Variants in TROAP observed in about 807,000 individuals in gnomAD.
TROAP encodes trophinin associated protein, also known as tastin.
TROAP carries 62 observed loss-of-function variants against 83.4 expected under a neutral mutation model. That is an observed-to-expected ratio of 0.74 (90% CI 0.61 to 0.92). TROAP has a LOEUF of 0.92. Ranked by LOEUF, TROAP falls within the 40% of genes least tolerant of loss-of-function variation. TROAP has a pLI of 0.00. For synonymous variants in TROAP, 352 were observed against 386.4 expected, an observed-to-expected ratio of 0.91 and a Z score of 1.04; for missense variants, 876 against 985.1, an observed-to-expected ratio of 0.89 and a Z score of 1.48.
At position 49,329,215 on chromosome 12, in the gene TROAP, C is replaced by T. The variant is rs777647103; in HGVS notation, c.1075C>T (p.Pro359Ser). The T allele has an allele frequency of 6.2e-7, 1 of 1,614,096 alleles. No individual in the cohort carries two copies. The highest frequency in any genetic ancestry group is 1.7e-5 in the Admixed American group (1 of 60,012). ...LTVQPKTRFTPMPSTPRVQQA... is the reference protein window; with the variant it reads ...LTVQPKTRFTSMPSTPRVQQA... ...CGTTCAACCTAAAACCCGGTTCACA[C>T]CCATGCCATCAACCCCCAGAGTTCA... is the stretch of plus-strand genomic sequence containing the variant. The change falls in exon 10 of 15, where the codon CCC (proline) becomes TCC (serine). Residue 359 changes from proline (P) to serine (S), a missense_variant. Coordinates refer to ENST00000257909, the MANE Select transcript of TROAP (RefSeq NM_005480.4). This position sits in a 1 kb window ranked among gnomAD's most constrained non-coding sequence, Gnocchi z 4.5.
At position 49,330,585 on chromosome 12, in the gene TROAP, C is replaced by T. The variant is rs1943564996; in HGVS notation, c.1740C>T (p.Pro580=). The change falls in exon 13 of 15, where the codon CCC becomes CCT. Residue 580 remains proline, a synonymous_variant. Coordinates refer to ENST00000257909, the MANE Select transcript of TROAP (RefSeq NM_005480.4). ...AGGAACAGCTTGAGGTACCTGAGCC[C>T]TGCCCTCCAGCAGAACCCAGGCCCC... ...SRQEQLEVPE[P]CPPAEPRPLE... is the part of the protein sequence containing the mutation. 1 of 1,613,588 alleles carries T rather than the reference C, an allele frequency of 6.2e-7. No homozygotes were observed. Among genetic ancestry groups the T allele is most frequent in the African/African-American group, 1.3e-5 (1 of 74,846 alleles).
Position 49,329,501 on chromosome 12 carries a change from G to A in TROAP, c.1164+47G>A, listed in dbSNP as rs775077305. The A allele has an allele frequency of 2.9e-5, 46 of 1,561,438 alleles. No individual in the cohort carries two copies. Among genetic ancestry groups the A allele is most frequent in the African/African-American group, 4.1e-5 (3 of 73,274 alleles). The stretch of plus-strand genomic sequence containing the variant: ...CTACTGAGATCCCTTGCCCTGTGCT[G>A]CCAGCCTGGAGGCCCAGGAGTTTGA... On this transcript the variant is annotated intron_variant, in intron 11 of 14. Transcript: ENST00000257909. This position sits in a 1 kb window ranked among gnomAD's most constrained non-coding sequence, Gnocchi z 4.5.
intron 13 of TROAP, 122 bp downstream of exon 13, chr12:49,331,065 C>G (rs1943574094): frequency 1.3e-6 from 2 of 1,536,038 alleles, no homozygotes. Context: ...CCTGGCCCAG[C>G]CTGGCTCTCC....
intron 12 of TROAP, 24 bp from the exon 13 acceptor site, chr12:49,330,121 C>G (rs761947342): frequency 6.2e-7 from 1 of 1,610,126 alleles, no homozygotes; most frequent in Admixed American, 1.7e-5. Flanking sequence ...TGATGTCACA[C>G]TGGGGTGCTC....
intron 3 of TROAP, 99 bp from the exon 4 acceptor site, chr12:49,325,402 A>G (rs944085089): frequency 2.4e-6 from 3 of 1,236,904 alleles, no homozygotes; most frequent in Non-Finnish European, 3.3e-6. Flanking sequence ...ATTCAATTGA[A>G]TGAGTCTCTT....
chr12:49,323,768 T>G lies in TROAP; in HGVS notation c.144+16T>G, dbSNP rs1473030050. ...AGATCCAAGGGTAAGAGGGGCCTAATGGGGGAAGACAGTAGTCACACCAGT... is the reference window on the plus strand; with the variant it reads ...AGATCCAAGGGTAAGAGGGGCCTAAGGGGGGAAGACAGTAGTCACACCAGT... On this transcript the variant is annotated intron_variant, in intron 2 of 14. Transcript: ENST00000257909. 5 of 1,614,076 alleles carry G rather than the reference T, an allele frequency of 3.1e-6. No homozygotes were observed. Among genetic ancestry groups the G allele is most frequent in the Non-Finnish European group, 4.2e-6 (5 of 1,180,008 alleles).
At chr12:49,330,096 A>T in intron 12 of TROAP, 49 bp from the exon 13 acceptor site, 1 of 1,606,606 alleles carries the variant, frequency 6.2e-7, no homozygotes, top group Non-Finnish European at 8.5e-7. Context: ...TGGGTAGACT[A>T]CTGAACGCAC....
rs552614672 is a variant in TROAP, at chr12:49,325,985, A to T, written c.634-91A>T. Reference sequence around the variant, plus strand: ...GAGGTACCTCATGATGAGGCAAGGGATCCTACTGGGGGAGATGGGGTTGGT... The same window carrying T: ...GAGGTACCTCATGATGAGGCAAGGGTTCCTACTGGGGGAGATGGGGTTGGT... On this transcript the variant is annotated intron_variant, in intron 5 of 14. Coordinates refer to ENST00000257909, the MANE Select transcript of TROAP (RefSeq NM_005480.4). 7.3e-4 allele frequency: 1,170 copies of T among 1,605,522 alleles called. 10 individuals carry two copies. Among genetic ancestry groups the T allele is most frequent in the Middle Eastern group, 1.9e-3 (9 of 4,642 alleles).
At chr12:49,327,838 G>A (rs550262150) in intron 8 of TROAP, among the ~76,000 whole-genome samples, 53 of 152,280 alleles carry the variant, frequency 3.5e-4, no homozygotes, top group Middle Eastern at 3.4e-3. Context: ...GGGAGCAGGG[G>A]AGTTGGTATT....
chr12:49,325,403 T>G, intron 3 of TROAP, 98 bp from the exon 4 acceptor site: 103 of 1,212,456 alleles, frequency 8.5e-5, no homozygotes, highest in Middle Eastern at 2.0e-4. Context: ...TTCAATTGAA[T>G]GAGTCTCTTG....
At chr12:49,331,440 G>A in intron 14 of TROAP, 33 bp downstream of exon 14, 1 of 1,607,924 alleles carries the variant, frequency 6.2e-7, no homozygotes, top group South Asian at 1.1e-5. Context: ...AGCTGTGGCT[G>A]CACAGTGAGC....
rs2303614 is a variant in TROAP at position 49,329,102 on chromosome 12, C to A, written c.1020+47C>A. 1.9e-6 allele frequency: 3 copies of A among 1,613,782 alleles called. No homozygotes were observed. The African/African-American group carries it at 4.0e-5, about 22-fold the overall frequency. On this transcript the variant is annotated intron_variant, in intron 9 of 14. Coordinates refer to ENST00000257909, the MANE Select transcript of TROAP (RefSeq NM_005480.4). This position sits in a 1 kb window ranked among gnomAD's most constrained non-coding sequence, Gnocchi z 4.5. ...CTGGGCAGGGGCAGAACAGTCTGGC[C>A]GGAGATCCTTGCTATGTCTGGGTTT...
chr12:49,330,876 A>G lies in TROAP; in HGVS notation c.2031A>G (p.Gln677=), dbSNP rs775022224. 5 of 1,612,948 alleles carry G rather than the reference A, an allele frequency of 3.1e-6. No individual in the cohort carries two copies. The highest frequency in any genetic ancestry group is 4.2e-6 in the Non-Finnish European group (5 of 1,179,948). Residue 677 remains glutamine, a synonymous_variant, in exon 13 of 15, where the codon CAA becomes CAG. Transcript: ENST00000257909. ...PATTSLIFSS[Q]HPLCASPPIC... is the part of the protein sequence containing the mutation. ...CCACCAGCCTGATCTTCTCTTCCCA[A>G]CACCCGCTTTGTGCCAGCCCCCCTA...
In TROAP at chr12:49,323,923, C is replaced by CA; in HGVS notation, c.224dup (p.Ala76GlyfsTer23). 1 of 1,614,126 alleles carries CA rather than the reference C, an allele frequency of 6.2e-7. No homozygotes were observed. The highest frequency in any genetic ancestry group is 8.5e-7 in the Non-Finnish European group (1 of 1,180,042). The stretch of plus-strand genomic sequence containing the variant: ...AGGCCCCAGGCCGAAAGCCAGGCAC[C>CA]AGGCAGAGACATCACAAAGATTGGT... On this transcript the variant is annotated frameshift_variant, in exon 3 of 15. Transcript: ENST00000257909. LOFTEE classifies it high-confidence loss of function.
At chr12:49,325,454 C>T in intron 3 of TROAP, 47 bp from the exon 4 acceptor site, 3 of 1,581,396 alleles carry the variant, frequency 1.9e-6, no homozygotes, top group Non-Finnish European at 2.6e-6. Context: ...GGGGCCCTAT[C>T]CCCCTCAGCC....
intron 3 of TROAP, 128 bp downstream of exon 3, chr12:49,324,165 A>G: frequency 1.9e-6 from 3 of 1,614,138 alleles, no homozygotes; most frequent in Non-Finnish European, 2.5e-6. Flanking sequence ...TCCTGGTCCC[A>G]GCTCCTGGAA....
intron 5 of TROAP, 38 bp from the exon 6 acceptor site, chr12:49,326,038 C>T: frequency 6.2e-7 from 1 of 1,611,024 alleles, no homozygotes; most frequent in Non-Finnish European, 8.5e-7. Flanking sequence ...TGGGGTCCAC[C>T]TCTGATTCCG....
At position 49,330,240 on chromosome 12, in the gene TROAP, G is replaced by A; in HGVS notation, c.1395G>A (p.Met465Ile). ...VPLNGGSSLDMVELQPLLTEI... is the reference protein window; with the variant it reads ...VPLNGGSSLDIVELQPLLTEI... Reference sequence around the variant, plus strand: ...TTAATGGAGGCTCTTCTCTGGATATGGTTGAACTTCAGCCCCTGCTGACTG... The same window carrying A: ...TTAATGGAGGCTCTTCTCTGGATATAGTTGAACTTCAGCCCCTGCTGACTG... The change falls in exon 13 of 15, where the codon ATG (methionine) becomes ATA (isoleucine). Residue 465 changes from methionine (M) to isoleucine (I), a missense_variant. This residue lies in a region of TROAP where 689 missense variants were observed against 722.6 expected (regional missense o/e 0.95). Transcript: ENST00000257909. 6.2e-7 allele frequency: 1 copy of A among 1,614,144 alleles called. No homozygotes were observed. The highest frequency in any genetic ancestry group is 1.3e-5 in the African/African-American group (1 of 75,028).
intron 3 of TROAP, among the ~76,000 whole-genome samples, chr12:49,324,968 T>C (rs1943475216): frequency 6.7e-6 from 1 of 149,098 alleles, no homozygotes; most frequent in Admixed American, 6.8e-5. Context: ...TGGAGTGCAG[T>C]GGCACGATCT....
Sources: gnomAD v4.1 joint callset for allele counts (sites outside exome capture counted in the v4.1 genomes callset) on GRCh38, gnomAD v4.1.1 for gene constraint, gnomAD v4.1.1 regional missense constraint, Gnocchi (gnomAD v3.1) non-coding constraint, MANE v1.5 for transcripts, NCBI Gene and HGNC (gene_info 2026-07-23, HGNC 2026-07-21) for gene names.